The following ASPRV1 variants were observed in gnomAD, a reference collection of about 807,000 sequenced individuals.
ASPRV1 encodes the protein retroviral-like aspartic protease 1.
A neutral mutation model predicts 11.0 loss-of-function variants in ASPRV1; 7 were observed. The observed-to-expected ratio is 0.64, with a 90% CI of 0.36 to 1.20. The LOEUF (loss-of-function observed/expected upper bound fraction) is 1.20, where lower values mean the gene tolerates loss of function less well. Among genes scored for constraint, ASPRV1 ranks in the 50% most tolerant of loss-of-function variants. ASPRV1 has a pLI of 0.02. For synonymous variants in ASPRV1, 136 were observed against 138.4 expected, an observed-to-expected ratio of 0.98 and a Z score of 0.12; for missense variants, 299 against 320.0, an observed-to-expected ratio of 0.93 and a Z score of 0.50.
chr2:70,043,423 T>A, the ASPRV1 span, among the ~76,000 whole-genome samples: 77 of 146,884 alleles, frequency 5.2e-4, no homozygotes, highest in African/African-American at 1.8e-3. Context: ...GTCTCGCATT[T>A]AAAAAAAAAA....
chr2:69,969,423 G>A, the ASPRV1 span, among the ~76,000 whole-genome samples: 6 of 152,064 alleles, frequency 3.9e-5, no homozygotes, highest in East Asian at 1.9e-4. Context: ...TGAAGCCCTC[G>A]CACTGCTGTT....
the ASPRV1 span, among the ~76,000 whole-genome samples, chr2:70,024,446 C>G: frequency 1.3e-5 from 2 of 152,120 alleles, no homozygotes; most frequent in African/African-American, 4.8e-5. Context: ...GCTGAGAGAA[C>G]AGAGAGGGGC....
the ASPRV1 span, chr2:70,050,340 A>G: frequency 1.3e-5 from 2 of 152,138 alleles, no homozygotes; most frequent in South Asian, 2.1e-4. Flanking sequence ...CTCTCTTCAT[A>G]TCAAAATAAA....
At chr2:69,937,142 G>C in the ASPRV1 span, 2 of 1,512,736 alleles carry the variant, frequency 1.3e-6, no homozygotes, top group African/African-American at 1.4e-5. Flanking sequence ...GAGGAAGTGT[G>C]GCGCATTCCA....
At chr2:69,941,397 G>C in the ASPRV1 span, 1 of 152,190 alleles carries the variant, frequency 6.6e-6, no homozygotes, top group Non-Finnish European at 1.5e-5. Flanking sequence ...GATAGCAACT[G>C]CTGGCTCCTT....
At chr2:70,040,153 G>A in the ASPRV1 span, among the ~76,000 whole-genome samples, 921 of 152,274 alleles carry the variant, frequency 6.0e-3, 7 homozygotes, top group African/African-American at 0.021. Context: ...AGTACTTGAT[G>A]TATCAGTGGT....
chr2:70,037,277 T>C, the ASPRV1 span, among the ~76,000 whole-genome samples: 21 of 152,180 alleles, frequency 1.4e-4, no homozygotes, highest in African/African-American at 4.8e-4. Flanking sequence ...GACTTGTTAG[T>C]CTGTTCTCAA....
At chr2:69,983,910 C>T in the ASPRV1 span, among the ~76,000 whole-genome samples, 1 of 152,206 alleles carries the variant, frequency 6.6e-6, no homozygotes, top group Non-Finnish European at 1.5e-5. Flanking sequence ...CTGGAGGTCA[C>T]ACAAGGAGAC....
At chr2:70,010,386 G>A in the ASPRV1 span, among the ~76,000 whole-genome samples, 3 of 152,156 alleles carry the variant, frequency 2.0e-5, no homozygotes, top group African/African-American at 7.2e-5. Flanking sequence ...TGGATAGATA[G>A]GCAGTAGGGA....
At chr2:70,036,932 C>T in the ASPRV1 span, among the ~76,000 whole-genome samples, 1 of 152,208 alleles carries the variant, frequency 6.6e-6, no homozygotes, top group Non-Finnish European at 1.5e-5. Context: ...TGAGACCACA[C>T]ACTCCTCTCC....
chr2:70,032,802 T>C, the ASPRV1 span, among the ~76,000 whole-genome samples: 1 of 152,182 alleles, frequency 6.6e-6, no homozygotes, highest in African/African-American at 2.4e-5. Flanking sequence ...CTCTCCGACT[T>C]TTTTAACTAG....
chr2:69,979,082 T>C, the ASPRV1 span, among the ~76,000 whole-genome samples: 1 of 152,218 alleles, frequency 6.6e-6, no homozygotes, highest in African/African-American at 2.4e-5. Context: ...GTCACTAGGC[T>C]GGAGTGCAGT....
At chr2:69,943,570 G>T in the ASPRV1 span, among the ~76,000 whole-genome samples, 1 of 152,228 alleles carries the variant, frequency 6.6e-6, no homozygotes, top group Non-Finnish European at 1.5e-5. Flanking sequence ...ACAACTCACT[G>T]AGAGGAGAGA....
the ASPRV1 span, among the ~76,000 whole-genome samples, chr2:69,979,202 T>C: frequency 2.0e-5 from 3 of 152,056 alleles, no homozygotes; most frequent in African/African-American, 7.2e-5. Flanking sequence ...ACCCAGCTAA[T>C]TTTTGTATTT....
chr2:70,025,423 AGAG>A, the ASPRV1 span, among the ~76,000 whole-genome samples: 12 of 151,904 alleles, frequency 7.9e-5, no homozygotes, highest in East Asian at 3.9e-4. Flanking sequence ...AAAAGAGAAA[AGAG>A]GAGGAGGAGG....
chr2:70,017,725 G>C, the ASPRV1 span, among the ~76,000 whole-genome samples: 1 of 151,946 alleles, frequency 6.6e-6, no homozygotes, highest in Non-Finnish European at 1.5e-5. Context: ...TTGTCTGTTA[G>C]TATTTTTTTA....
the ASPRV1 span, among the ~76,000 whole-genome samples, chr2:70,020,933 G>A: frequency 9.2e-5 from 14 of 152,154 alleles, no homozygotes; most frequent in East Asian, 9.7e-4. Flanking sequence ...GATAAAGAGC[G>A]GTGATGGTTG....
chr2:69,952,525 A>G, the ASPRV1 span, among the ~76,000 whole-genome samples: 1 of 151,174 alleles, frequency 6.6e-6, no homozygotes, highest in Non-Finnish European at 1.5e-5. Flanking sequence ...AGAAAAAGAA[A>G]GGAAAAGAAA....
At chr2:70,003,024 A>C in the ASPRV1 span, 1 of 152,258 alleles carries the variant, frequency 6.6e-6, no homozygotes, top group African/African-American at 2.4e-5. Flanking sequence ...AGTTGTCGAT[A>C]ATCTCTGCAA....
Sources: allele counts gnomAD v4.1 joint callset (sites outside exome capture counted in the v4.1 genomes callset), GRCh38; gene constraint gnomAD v4.1.1; transcripts MANE v1.5; gene names NCBI Gene and HGNC (gene_info 2026-07-23, HGNC 2026-07-21).